The following CD99L2 variants were observed in gnomAD, a reference collection of about 807,000 sequenced individuals.
CD99L2 encodes CD99 molecule like 2, also known as CD99 antigen-like protein 2.
In CD99L2, 24 loss-of-function variants were observed where a neutral mutation model predicts 27.3. The observed-to-expected ratio is 0.88, with a 90% confidence interval of 0.64 to 1.24. The LOEUF (loss-of-function observed/expected upper bound fraction) is 1.24. Ranked by LOEUF, CD99L2 falls within the 50% of genes most tolerant of loss-of-function variation. CD99L2 has a pLI of 0.00. For synonymous variants in CD99L2, 97 were observed against 87.9 expected, an observed-to-expected ratio of 1.10 and a Z score of -0.58; for missense variants, 255 against 221.6, an observed-to-expected ratio of 1.15 and a Z score of -0.96.
At chrX:150,824,203 G>A (rs1557420778) in intron 2 of CD99L2, among the ~76,000 whole-genome samples, 10 of 71,122 alleles carry the variant, frequency 1.4e-4, no homozygotes, top group African/African-American at 4.0e-4. Context: ...AAGAAGAGGA[G>A]GAGGAAGAGG....
intron 7 of CD99L2, among the ~76,000 whole-genome samples, chrX:150,787,912 A>ATATAAAAG (rs1569565897): frequency 1.0e-5 from 1 of 96,390 alleles, no homozygotes; most frequent in East Asian, 3.2e-4. Flanking sequence ...ATATATATAT[A>ATATAAAAG]TATATATATA....
At chrX:150,777,585 C>T in intron 7 of CD99L2, 103 bp from the exon 8 acceptor site, 1 of 864,626 alleles carries the variant, frequency 1.2e-6, no homozygotes, top group Non-Finnish European at 1.6e-6. Context: ...CCAATCCCAC[C>T]TATGCGACAA....
intron 1 of CD99L2, among the ~76,000 whole-genome samples, chrX:150,853,174 C>G (rs12690368): frequency 2.7e-5 from 3 of 111,732 alleles, no homozygotes; most frequent in Admixed American, 9.5e-5. Flanking sequence ...CAAGAACACA[C>G]GTAAGTGCAC....
At chrX:150,771,371 G>A (rs1270288591) in intron 9 of CD99L2, among the ~76,000 whole-genome samples, 2 of 112,731 alleles carry the variant, frequency 1.8e-5, no homozygotes, top group African/African-American at 3.2e-5. Flanking sequence ...ACGCAGAGCG[G>A]GGCAGGTGAT....
chrX:150,866,857 G>A (rs1341291775), intron 1 of CD99L2, among the ~76,000 whole-genome samples: 1 of 110,630 alleles, frequency 9.0e-6, no homozygotes, highest in African/African-American at 3.3e-5. Flanking sequence ...TTTTATACAG[G>A]TTTTTGAACA....
chrX:150,842,388 C>T, intron 1 of CD99L2, among the ~76,000 whole-genome samples: 1 of 111,735 alleles, frequency 8.9e-6, no homozygotes, highest in East Asian at 2.8e-4. Flanking sequence ...AAAGCTAAGG[C>T]TAAGGGTGCA....
intron 2 of CD99L2, among the ~76,000 whole-genome samples, chrX:150,829,975 G>A (rs782784332): frequency 7.3e-5 from 8 of 109,901 alleles, no homozygotes; most frequent in Non-Finnish European, 1.5e-4. Context: ...TGGGCAACAC[G>A]GTGAAATCCC....
chrX:150,842,670 C>T (rs2046639521), intron 1 of CD99L2, among the ~76,000 whole-genome samples: 1 of 112,405 alleles, frequency 8.9e-6, no homozygotes, highest in Non-Finnish European at 1.9e-5. Context: ...ACTCGCCCCA[C>T]TTAACATGGT....
At chrX:150,769,805 ATGCGACCTCAAAT>A (rs2043402700) in intron 10 of CD99L2, among the ~76,000 whole-genome samples, 2 of 112,546 alleles carry the variant, frequency 1.8e-5, no homozygotes, top group South Asian at 7.3e-4. Flanking sequence ...GCCTGAACTT[ATGCGACCTCAAAT>A]TGCCAACAGC....
chrX:150,898,343 T>A (rs192447187), intron 1 of CD99L2, among the ~76,000 whole-genome samples, 179 bp downstream of exon 1: 29 of 109,641 alleles, frequency 2.6e-4, no homozygotes, highest in African/African-American at 9.6e-4. Context: ...CGCGGCGGAG[T>A]CAACCCCCAC....
intron 2 of CD99L2, among the ~76,000 whole-genome samples, chrX:150,824,647 A>AGAAGAG (rs2046337644): frequency 1.1e-5 from 1 of 87,139 alleles, no homozygotes; most frequent in African/African-American, 4.7e-5. Flanking sequence ...GAGGAGAAGA[A>AGAAGAG]GAAGAAGAAG....
intron 1 of CD99L2, among the ~76,000 whole-genome samples, chrX:150,877,104 G>A (rs1434059617): frequency 2.0e-5 from 2 of 98,577 alleles, no homozygotes; most frequent in African/African-American, 7.7e-5. Flanking sequence ...ACAACATAGC[G>A]AGACCCTGTC....
At chrX:150,772,459 G>T (rs1426030949) in intron 9 of CD99L2, among the ~76,000 whole-genome samples, 1 of 112,358 alleles carries the variant, frequency 8.9e-6, no homozygotes, top group African/African-American at 3.2e-5. Context: ...AGCACCTGGC[G>T]CCCTCGGGAA....
intron 1 of CD99L2, among the ~76,000 whole-genome samples, chrX:150,879,166 G>C (rs781968418): frequency 1.8e-5 from 2 of 111,823 alleles, no homozygotes; most frequent in Non-Finnish European, 3.8e-5. Context: ...CAGTAGACAA[G>C]AGGGGAAGAT....
rs1362502002 is a variant in CD99L2, at chrX:150,766,432, T to G, written c.*2602A>C. 1 of 110,826 alleles carries G rather than the reference T, an allele frequency of 9.0e-6. No homozygotes were observed. Among genetic ancestry groups the G allele is most frequent in the Non-Finnish European group, 1.9e-5 (1 of 52,935 alleles). The allele number at this position is 110,826 out of a possible 1,213,427, so 9.1% of individuals were successfully genotyped here. A position where few individuals can be genotyped will look rare whatever the true frequency, so the allele number is the denominator to read the frequency against. On this transcript the variant is annotated 3_prime_UTR_variant, in exon 11 of 11. Coordinates refer to ENST00000370377, the MANE Select transcript of CD99L2 (RefSeq NM_031462.4). Reference sequence around the variant, plus strand: ...AACAGATGTACAGGGAATTCTGGAATTTTGAGATCAGTCCCCATTTCTTCC... The same window carrying G: ...AACAGATGTACAGGGAATTCTGGAAGTTTGAGATCAGTCCCCATTTCTTCC...
intron 1 of CD99L2, among the ~76,000 whole-genome samples, chrX:150,867,375 C>A (rs139119085): frequency 2.7e-5 from 3 of 111,339 alleles, no homozygotes; most frequent in East Asian, 5.7e-4. Context: ...TCCCCTACTG[C>A]GCTCCAGCTT....
intron 1 of CD99L2, among the ~76,000 whole-genome samples, chrX:150,850,782 T>C (rs191059536): frequency 8.9e-6 from 1 of 111,944 alleles, no homozygotes; most frequent in Admixed American, 9.4e-5. Flanking sequence ...GTTTCTTGTA[T>C]CACAGCCAAT....
chrX:150,805,956 T>C (rs2045987174), intron 4 of CD99L2, among the ~76,000 whole-genome samples: 1 of 111,299 alleles, frequency 9.0e-6, no homozygotes, highest in Non-Finnish European at 1.9e-5. Context: ...GGTGATGAAA[T>C]AGTTCTGTCT....
At chrX:150,794,044 G>A in intron 6 of CD99L2, among the ~76,000 whole-genome samples, 1 of 111,297 alleles carries the variant, frequency 9.0e-6, no homozygotes, top group African/African-American at 3.3e-5. Context: ...AGGTGATTAA[G>A]GTACCAAATC....
Sources: allele counts gnomAD v4.1 joint callset (sites outside exome capture counted in the v4.1 genomes callset), GRCh38; gene constraint gnomAD v4.1.1; transcripts MANE v1.5; gene names NCBI Gene and HGNC (gene_info 2026-07-23, HGNC 2026-07-21).